Variants in KCND3 observed in about 807,000 individuals in gnomAD.
KCND3 encodes potassium voltage-gated channel subfamily D member 3.
Under a neutral mutation model 51.1 loss-of-function variants are expected in KCND3, and 9 were observed. The observed-to-expected ratio is 0.18, with a 90% confidence interval of 0.11 to 0.31. The LOEUF (loss-of-function observed/expected upper bound fraction) is 0.31, where lower values mean the gene tolerates loss of function less well. Among genes scored for constraint, KCND3 ranks in the 10% least tolerant of loss-of-function variants. KCND3 has a pLI of 1.00. For missense variants in KCND3, 526 were observed against 903.8 expected, an observed-to-expected ratio of 0.58 and a Z score of 5.36; for synonymous variants, 349 against 368.0, an observed-to-expected ratio of 0.95 and a Z score of 0.59.
intron 2 of KCND3, among the ~76,000 whole-genome samples, chr1:111,858,253 T>G (rs1057385007): frequency 2.1e-4 from 32 of 152,210 alleles, no homozygotes; most frequent in African/African-American, 7.5e-4. Flanking sequence ...TCCCTTGCCA[T>G]TTCCCTGGGC....
In KCND3 at chr1:111,775,844, C is replaced by CT; in HGVS notation, c.*232dup. ...ACCCCCCCACCCTCCCTCCCTTCCT[C>CT]TGGCCCCAGTGAGATGCAGTATCAC... On this transcript the variant is annotated 3_prime_UTR_variant, in exon 8 of 8. Transcript: ENST00000302127. 2.5e-5 allele frequency: 5 copies of CT among 200,368 alleles called. No individual in the cohort carries two copies. The highest frequency in any genetic ancestry group is 7.4e-5 in the South Asian group (1 of 13,456). The allele number at this position is 200,368 out of a possible 1,614,324, so 12.4% of individuals were successfully genotyped here. A position where few individuals can be genotyped will look rare whatever the true frequency, so the allele number is the denominator to read the frequency against.
At chr1:111,952,802 C>G (rs1010015309) in intron 2 of KCND3, among the ~76,000 whole-genome samples, 2 of 152,162 alleles carry the variant, frequency 1.3e-5, no homozygotes, top group African/African-American at 4.8e-5. Flanking sequence ...TCCCATTAGG[C>G]TTGAAAAGCC....
At chr1:111,846,326 A>G (rs1327500735) in intron 2 of KCND3, among the ~76,000 whole-genome samples, 1 of 152,188 alleles carries the variant, frequency 6.6e-6, no homozygotes, top group Non-Finnish European at 1.5e-5. Flanking sequence ...TCTGCCAGAA[A>G]AAGCCCATTT....
chr1:111,840,356 G>A (rs548709963), intron 2 of KCND3, among the ~76,000 whole-genome samples: 2 of 152,182 alleles, frequency 1.3e-5, no homozygotes, highest in East Asian at 3.9e-4. Flanking sequence ...ATCTTCTGAC[G>A]GGCCCCGCAC....
intron 2 of KCND3, among the ~76,000 whole-genome samples, chr1:111,824,107 C>A (rs1666469376): frequency 1.5e-5 from 2 of 134,290 alleles, no homozygotes; most frequent in Non-Finnish European, 3.3e-5. Context: ...GATCCCATGC[C>A]TTCTCCAACT....
At chr1:111,821,166 G>T (rs1666329583) in intron 2 of KCND3, among the ~76,000 whole-genome samples, 1 of 152,130 alleles carries the variant, frequency 6.6e-6, no homozygotes, top group African/African-American at 2.4e-5. Flanking sequence ...ATGATTAGGT[G>T]CTCAGTAAAT....
chr1:111,777,809 G>T (rs900902660), intron 6 of KCND3, among the ~76,000 whole-genome samples: 1 of 152,136 alleles, frequency 6.6e-6, no homozygotes, highest in Non-Finnish European at 1.5e-5. Flanking sequence ...TCACGGATAG[G>T]GTTTCTTTTA....
chr1:111,887,407 C>T (rs1669617902), intron 2 of KCND3, among the ~76,000 whole-genome samples: 2 of 152,118 alleles, frequency 1.3e-5, no homozygotes, highest in South Asian at 4.2e-4. Flanking sequence ...TGGTGGTGGT[C>T]ATACCAGAGA....
intron 2 of KCND3, among the ~76,000 whole-genome samples, chr1:111,869,572 G>A (rs1190803234): frequency 6.6e-6 from 1 of 152,188 alleles, no homozygotes; most frequent in African/African-American, 2.4e-5. Flanking sequence ...TGCCCAATGT[G>A]CTCAGTTGGG....
At chr1:111,970,986 C>G (rs1203400123) in intron 2 of KCND3, among the ~76,000 whole-genome samples, 1 of 152,154 alleles carries the variant, frequency 6.6e-6, no homozygotes, top group African/African-American at 2.4e-5. Context: ...CCAGCGGGTG[C>G]ATCTGACATT....
chr1:111,782,092 C>T (rs1425994672), intron 3 of KCND3, among the ~76,000 whole-genome samples: 1 of 152,148 alleles, frequency 6.6e-6, no homozygotes, highest in African/African-American at 2.4e-5. Context: ...CATGTGACTT[C>T]AGCATGGACC....
At chr1:111,816,001 A>C (rs1401556903) in intron 2 of KCND3, among the ~76,000 whole-genome samples, 3 of 152,216 alleles carry the variant, frequency 2.0e-5, no homozygotes, top group African/African-American at 4.8e-5. Flanking sequence ...GGGTGGGGCC[A>C]ACCTGAGCGC....
intron 2 of KCND3, among the ~76,000 whole-genome samples, chr1:111,943,974 G>A (rs1474146648): frequency 6.6e-6 from 1 of 152,220 alleles, no homozygotes; most frequent in Non-Finnish European, 1.5e-5. Flanking sequence ...CTGCAGAAAA[G>A]CCTCTGCTTT....
chr1:111,896,726 C>T (rs1046235861), intron 2 of KCND3, among the ~76,000 whole-genome samples: 3 of 152,218 alleles, frequency 2.0e-5, no homozygotes, highest in Non-Finnish European at 2.9e-5. Flanking sequence ...TGGAAGGTGG[C>T]ATCCCCTTTA....
chr1:111,882,192 T>C (rs759693899), intron 2 of KCND3, among the ~76,000 whole-genome samples: 1 of 152,058 alleles, frequency 6.6e-6, no homozygotes, highest in Non-Finnish European at 1.5e-5. Context: ...ATGCCCCAAC[T>C]TAGGAGGATC....
intron 2 of KCND3, among the ~76,000 whole-genome samples, chr1:111,963,385 G>C (rs1285084382): frequency 6.6e-6 from 1 of 152,232 alleles, no homozygotes; most frequent in Non-Finnish European, 1.5e-5. Context: ...GAATGCCTCA[G>C]GGTGAAACCC....
chr1:111,830,253 G>C (rs1028297949), intron 2 of KCND3, among the ~76,000 whole-genome samples: 7 of 152,148 alleles, frequency 4.6e-5, no homozygotes, highest in African/African-American at 1.7e-4. Context: ...ATCACTCCCT[G>C]CTTGACTCTT....
intron 2 of KCND3, among the ~76,000 whole-genome samples, chr1:111,939,410 T>A (rs1008169760): frequency 1.2e-4 from 18 of 152,100 alleles, no homozygotes; most frequent in Non-Finnish European, 4.4e-5. Context: ...CCCGGGTGTG[T>A]GATGTTCCCC....
chr1:111,835,012 T>C (rs541899758), intron 2 of KCND3, among the ~76,000 whole-genome samples: 1 of 152,338 alleles, frequency 6.6e-6, no homozygotes, highest in African/African-American at 2.4e-5. Context: ...TCCCTGGGGC[T>C]TGGAGGGTGC....
Sources: allele counts gnomAD v4.1 joint callset (sites outside exome capture counted in the v4.1 genomes callset), GRCh38; gene constraint gnomAD v4.1.1; transcripts MANE v1.5; gene names NCBI Gene and HGNC (gene_info 2026-07-23, HGNC 2026-07-21).